Variants in TRAPPC9 observed in about 807,000 individuals in gnomAD.
TRAPPC9 encodes the protein trafficking protein particle complex subunit 9.
In TRAPPC9, 83 loss-of-function variants were observed where a neutral mutation model predicts 124.0. That is an observed-to-expected ratio of 0.67 (90% CI 0.56 to 0.80). The LOEUF is 0.80. Among genes scored for constraint, TRAPPC9 ranks in the 30% least tolerant of loss-of-function variants. TRAPPC9 has a pLI of 0.00. For missense variants in TRAPPC9, 1,302 were observed against 1,508.3 expected (o/e 0.86, Z 2.27); for synonymous variants, 638 against 617.5 (o/e 1.03, Z -0.49).
intron 17 of TRAPPC9, among the ~76,000 whole-genome samples, chr8:140,072,182 CCAA>C (rs1194342498): frequency 3.9e-5 from 6 of 152,134 alleles, no homozygotes; most frequent in Non-Finnish European, 5.9e-5. Flanking sequence ...GAATTGTACA[CCAA>C]CGAGAGTGAA....
chr8:140,409,430 G>C (rs1422800536), intron 5 of TRAPPC9, among the ~76,000 whole-genome samples: 2 of 152,088 alleles, frequency 1.3e-5, no homozygotes, highest in Non-Finnish European at 2.9e-5. Context: ...TTTACTTTTT[G>C]ACCCAGTAAT....
rs150129702 is a variant in TRAPPC9, at chr8:139,841,550, G to A, written c.3055+44329C>T. The stretch of plus-strand genomic sequence containing the variant: ...TGTGCTCATGGTCAACACACCTGCC[G>A]AGTGCAGGCTCTGGCCAATCCATCC... On this transcript the variant is annotated intron_variant, in intron 21 of 22. Coordinates refer to ENST00000438773, the MANE Select transcript of TRAPPC9 (RefSeq NM_001160372.4). Among the ~76,000 whole-genome samples, 414 of 152,348 alleles carry A rather than the reference G, an allele frequency of 2.7e-3. 1 individual carries two copies. The highest frequency in any genetic ancestry group is 9.3e-3 in the African/African-American group (386 of 41,588).
At chr8:140,414,707 G>A (rs1333855552) in intron 5 of TRAPPC9, among the ~76,000 whole-genome samples, 1 of 151,980 alleles carries the variant, frequency 6.6e-6, no homozygotes, top group Non-Finnish European at 1.5e-5. Context: ...ATAACCAATG[G>A]GTCAAAGAAG....
intron 11 of TRAPPC9, among the ~76,000 whole-genome samples, chr8:140,297,148 TGC>T (rs2065826760): frequency 6.6e-6 from 1 of 150,550 alleles, no homozygotes; most frequent in Non-Finnish European, 1.5e-5. Flanking sequence ...CATCTGGGGC[TGC>T]CATCAGGCCC....
At chr8:139,802,737 T>A (rs993740862) in intron 21 of TRAPPC9, among the ~76,000 whole-genome samples, 1 of 152,194 alleles carries the variant, frequency 6.6e-6, no homozygotes, top group Non-Finnish European at 1.5e-5. Context: ...AACATTCTGT[T>A]TGGAAAAAGT....
At chr8:140,149,476 C>T (rs1473351795) in intron 17 of TRAPPC9, among the ~76,000 whole-genome samples, 6 of 151,966 alleles carry the variant, frequency 3.9e-5, no homozygotes, top group Admixed American at 6.6e-5. Context: ...AGAAATTAGC[C>T]GGGTGTGGTG....
At chr8:139,955,982 T>A (rs1050846673) in intron 19 of TRAPPC9, among the ~76,000 whole-genome samples, 2 of 152,082 alleles carry the variant, frequency 1.3e-5, no homozygotes, top group Non-Finnish European at 2.9e-5. Context: ...TGTGTCTGGG[T>A]CCTCGTTTCT....
intron 5 of TRAPPC9, among the ~76,000 whole-genome samples, chr8:140,416,799 C>T (rs145648964): frequency 0.011 from 1,717 of 152,234 alleles, 32 homozygotes; most frequent in African/African-American, 0.038. Flanking sequence ...GGAGGCATCA[C>T]GCTACCTGAC....
intron 9 of TRAPPC9, among the ~76,000 whole-genome samples, chr8:140,334,967 C>T (rs775768676): frequency 6.6e-6 from 1 of 152,072 alleles, no homozygotes; most frequent in Non-Finnish European, 1.5e-5. Context: ...CCATGTGATA[C>T]ACTTAAAAAG....
At chr8:140,100,408 G>C (rs1226335591) in intron 17 of TRAPPC9, 3 of 152,244 alleles carry the variant, frequency 2.0e-5, no homozygotes, top group Admixed American at 6.5e-5. Context: ...GGGTACTGAC[G>C]GTCACCCAGG....
intron 6 of TRAPPC9, among the ~76,000 whole-genome samples, chr8:140,400,045 G>T (rs531900545): frequency 6.6e-6 from 1 of 152,134 alleles, no homozygotes; most frequent in Non-Finnish European, 1.5e-5. Flanking sequence ...TTCTCTCTTT[G>T]CCTGCTGCCA....
At chr8:139,804,084 GCAC>G (rs1288901982) in intron 21 of TRAPPC9, among the ~76,000 whole-genome samples, 32 of 130,508 alleles carry the variant, frequency 2.5e-4, no homozygotes, top group African/African-American at 8.2e-4. Flanking sequence ...CCACCACGAC[GCAC>G]CACCACCACC....
intron 19 of TRAPPC9, among the ~76,000 whole-genome samples, chr8:139,971,794 TATATATATAC>T (rs1479721214): frequency 0.013 from 743 of 56,618 alleles, 21 homozygotes; most frequent in Admixed American, 0.021. Flanking sequence ...TATATACACA[TATATATATAC>T]ATATATATAT....
intron 17 of TRAPPC9, among the ~76,000 whole-genome samples, chr8:140,138,429 G>A (rs1266837671): frequency 6.6e-6 from 1 of 152,150 alleles, no homozygotes; most frequent in Non-Finnish European, 1.5e-5. Flanking sequence ...GTTAAGAAGG[G>A]GCTCGGGAGA....
At chr8:140,348,419 A>G (rs1177047910) in intron 9 of TRAPPC9, among the ~76,000 whole-genome samples, 6 of 152,068 alleles carry the variant, frequency 3.9e-5, no homozygotes, top group Admixed American at 3.9e-4. Flanking sequence ...TTCTGCACAC[A>G]CTCAATTAGC....
intron 21 of TRAPPC9, among the ~76,000 whole-genome samples, chr8:139,878,264 G>T (rs1185407944): frequency 6.6e-6 from 1 of 152,184 alleles, no homozygotes; most frequent in Non-Finnish European, 1.5e-5. Context: ...AAGGGACACA[G>T]AAGTATAAAT....
intron 9 of TRAPPC9, among the ~76,000 whole-genome samples, chr8:140,324,162 A>T (rs1212517758): frequency 6.6e-6 from 1 of 152,170 alleles, no homozygotes; most frequent in Non-Finnish European, 1.5e-5. Context: ...TCAGGAAACA[A>T]CCTTTAAATA....
At chr8:139,868,350 C>T (rs779084289) in intron 21 of TRAPPC9, among the ~76,000 whole-genome samples, 1 of 152,118 alleles carries the variant, frequency 6.6e-6, no homozygotes, top group African/African-American at 2.4e-5. Flanking sequence ...AGCGAGACTC[C>T]ATCTCAAAAA....
At chr8:140,156,348 T>C (rs188813747) in intron 17 of TRAPPC9, among the ~76,000 whole-genome samples, 1 of 152,196 alleles carries the variant, frequency 6.6e-6, no homozygotes, top group Non-Finnish European at 1.5e-5. Flanking sequence ...AAAGCCTCAG[T>C]TTCTGCTCTG....
Sources: allele counts gnomAD v4.1 joint callset (sites outside exome capture counted in the v4.1 genomes callset), GRCh38; gene constraint gnomAD v4.1.1; transcripts MANE v1.5; gene names NCBI Gene and HGNC (gene_info 2026-07-23, HGNC 2026-07-21).